The following TNS1 variants were observed in gnomAD, a reference collection of about 807,000 sequenced individuals.
TNS1 encodes tensin-1.
Under a neutral mutation model 168.6 loss-of-function variants are expected in TNS1, and 62 were observed. The ratio of observed to expected loss-of-function variants is 0.37; its 90% CI spans 0.30 to 0.45. The LOEUF is 0.45. TNS1 is among the 20% of genes least tolerant of loss of function. The pLI, the probability that TNS1 is intolerant of heterozygous loss-of-function variation, is 1.00. For missense variants in TNS1, 2,240 were observed against 2,339.4 expected (o/e 0.96, Z 0.88); for synonymous variants, 934 against 933.2 (o/e 1.00, Z -0.02).
At chr2:217,977,236 G>A (rs1957918192) in intron 3 of TNS1, among the ~76,000 whole-genome samples, 1 of 152,188 alleles carries the variant, frequency 6.6e-6, no homozygotes, top group Admixed American at 6.5e-5. Flanking sequence ...TGGATAAACA[G>A]AACAAGGAGG....
intron 18 of TNS1, chr2:217,859,392 C>A: frequency 2.1e-6 from 1 of 484,472 alleles, no homozygotes; most frequent in Non-Finnish European, 3.6e-6. Flanking sequence ...GGGCAGAGTC[C>A]AGGAGCCAGA....
rs1253095394 is a variant in TNS1 at position 217,919,017 on chromosome 2, G to T, written c.228+1178C>A. Among the ~76,000 whole-genome samples, 3 of 152,182 alleles carry T rather than the reference G, an allele frequency of 2.0e-5. No individual in the cohort carries two copies. The South Asian group carries it at 6.2e-4, about 32-fold the overall frequency. On this transcript the variant is annotated intron_variant, in intron 4 of 32. Transcript: ENST00000682258. ...ACAACCCCAGCAGGCCTGAGCCCGA[G>T]CGTGCAGAGCAGTGACACTTAGAGT...
At chr2:217,846,270 T>C (rs1188066792) in intron 19 of TNS1, among the ~76,000 whole-genome samples, 1 of 152,188 alleles carries the variant, frequency 6.6e-6, no homozygotes, top group Non-Finnish European at 1.5e-5. Context: ...TTCAAGCTAT[T>C]ATACCAATAG....
At chr2:217,999,097 G>A (rs920959211) in intron 1 of TNS1, among the ~76,000 whole-genome samples, 1 of 152,104 alleles carries the variant, frequency 6.6e-6, no homozygotes, top group African/African-American at 2.4e-5. Flanking sequence ...TGGGCTGCCC[G>A]CCACAGTCCT....
At chr2:217,818,810 G>C in intron 23 of TNS1, 51 bp from the exon 24 acceptor site, 2 of 1,477,380 alleles carry the variant, frequency 1.4e-6, no homozygotes, top group Non-Finnish European at 1.8e-6. Flanking sequence ...TGAATGAAGG[G>C]TGGATTTACA....
intron 10 of TNS1, 58 bp downstream of exon 10, chr2:217,893,379 CAT>C (rs370161059): frequency 2.5e-4 from 382 of 1,517,432 alleles, no homozygotes; most frequent in Admixed American, 7.6e-4. Context: ...GGCACACACA[CAT>C]GTGCGCATGT....
At chr2:217,837,422 C>T (rs151135702) in intron 19 of TNS1, among the ~76,000 whole-genome samples, 2 of 152,352 alleles carry the variant, frequency 1.3e-5, no homozygotes, top group South Asian at 2.1e-4. Flanking sequence ...TTGTCATGAA[C>T]AGCAGGCTGC....
chr2:217,840,216 C>T (rs1388582227), intron 19 of TNS1, among the ~76,000 whole-genome samples: 4 of 152,178 alleles, frequency 2.6e-5, no homozygotes, highest in African/African-American at 7.2e-5. Flanking sequence ...TGGTGTAGGG[C>T]AGGCCTGAGC....
At chr2:217,850,424 G>A (rs966803139) in intron 18 of TNS1, 1 of 985,142 alleles carries the variant, frequency 1.0e-6, no homozygotes, top group Non-Finnish European at 1.2e-6. Context: ...AGACAGCTCT[G>A]AGGACCCCCC....
intron 19 of TNS1, chr2:217,842,083 A>C: frequency 1.4e-6 from 1 of 702,990 alleles, no homozygotes; most frequent in Non-Finnish European, 2.6e-6. Flanking sequence ...GCTCCATGCC[A>C]GTTCCTATGC....
At chr2:217,805,589 A>C in intron 32 of TNS1, among the ~76,000 whole-genome samples, 1 of 188 alleles carries the variant, frequency 5.3e-3, no homozygotes, top group Non-Finnish European at 8.8e-3. Flanking sequence ...CACACAACAC[A>C]CACCACCACA....
At position 217,801,936 on chromosome 2, in the gene TNS1, CTGGCCA is replaced by C. The variant is rs1361616837; in HGVS notation, c.*2517_*2522del. Reference sequence around the variant, plus strand: ...CATGGCTCAGGCTGGAGTGGAGGGGCTGGCCATGCATGCAAGGTGGGCTGTGGTGGG... The same window carrying C: ...CATGGCTCAGGCTGGAGTGGAGGGGCTGCATGCAAGGTGGGCTGTGGTGGG... On this transcript the variant is annotated 3_prime_UTR_variant, in exon 33 of 33. Coordinates refer to ENST00000682258, the MANE Select transcript of TNS1 (RefSeq NM_001387777.1). The C allele has an allele frequency of 2.0e-5, 3 of 152,172 alleles. No homozygotes were observed. The highest frequency in any genetic ancestry group is 2.9e-5 in the Non-Finnish European group (2 of 68,048). The allele number at this position is 152,172 out of a possible 1,614,324, so 9.4% of individuals were successfully genotyped here.
intron 7 of TNS1, among the ~76,000 whole-genome samples, chr2:217,899,260 C>T (rs531222041): frequency 6.6e-6 from 1 of 152,244 alleles, no homozygotes; most frequent in South Asian, 2.1e-4. Context: ...GGGACCAGCA[C>T]CCAGAGGTAA....
chr2:217,821,396 T>A (rs34572447), intron 23 of TNS1, among the ~76,000 whole-genome samples: 2,010 of 152,222 alleles, frequency 0.013, 15 homozygotes, highest in Non-Finnish European at 0.02. Flanking sequence ...GCCAGGTACC[T>A]AGGATGAGCC....
intron 3 of TNS1, among the ~76,000 whole-genome samples, chr2:217,935,591 C>T (rs1042046884): frequency 6.6e-6 from 1 of 152,222 alleles, no homozygotes; most frequent in Non-Finnish European, 1.5e-5. Context: ...TCGTGAGCCA[C>T]CGAATTCCTT....
chr2:217,829,170 G>A (rs1944033265), intron 22 of TNS1, among the ~76,000 whole-genome samples: 1 of 151,752 alleles, frequency 6.6e-6, no homozygotes, highest in Admixed American at 6.6e-5. Context: ...AAGGTCAGGA[G>A]CTCAAGACCA....
chr2:217,885,976 C>T, intron 14 of TNS1, 68 bp downstream of exon 14: 1 of 1,588,512 alleles, frequency 6.3e-7, no homozygotes, highest in Admixed American at 1.7e-5. Flanking sequence ...CTCTCCCCAA[C>T]CTTCTGACCT....
intron 1 of TNS1, 65 bp from the exon 2 acceptor site, chr2:217,991,121 G>A (rs1575164935): frequency 1.9e-6 from 1 of 519,110 alleles, no homozygotes; most frequent in South Asian, 2.8e-5. Flanking sequence ...AAGGAGTAGA[G>A]GAGCCTGGGG....
In TNS1 at chr2:217,962,490, G is replaced by A. The variant is rs764212059; in HGVS notation, c.186+16275C>T. ...GAACCATGGGTCCTACCAACACAAG[G>A]AGCTCCCATTGGCCATGGCTAGATC... On this transcript the variant is annotated intron_variant, in intron 3 of 32. Coordinates refer to ENST00000682258, the MANE Select transcript of TNS1 (RefSeq NM_001387777.1). 7.9e-5 allele frequency among the ~76,000 whole-genome samples: 12 copies of A among 151,936 alleles called. No homozygotes were observed. In the South Asian group the frequency reaches 1.5e-3, roughly 18 times the overall value.
Sources: gnomAD v4.1 joint callset for allele counts (sites outside exome capture counted in the v4.1 genomes callset) on GRCh38, gnomAD v4.1.1 for gene constraint, MANE v1.5 for transcripts, NCBI Gene and HGNC (gene_info 2026-07-23, HGNC 2026-07-21) for gene names.